XKR9: variants seen among roughly 807,000 people sequenced by gnomAD.
XKR9 encodes the protein XK related 9.
XKR9 carries 32 observed loss-of-function variants against 32.0 expected under a neutral mutation model. That is an observed-to-expected ratio of 1.00 (90% confidence interval 0.76 to 1.34). The LOEUF is 1.34. Among genes scored for constraint, XKR9 ranks in the 40% most tolerant of loss-of-function variants. The pLI is 0.00. For synonymous variants in XKR9, 168 were observed against 143.4 expected, an observed-to-expected ratio of 1.17 and a Z score of -1.22; for missense variants, 546 against 429.7, an observed-to-expected ratio of 1.27 and a Z score of -2.39.
the XKR9 span, among the ~76,000 whole-genome samples, chr8:70,801,519 T>A: frequency 6.6e-6 from 1 of 152,232 alleles, no homozygotes; most frequent in Admixed American, 6.5e-5. Context: ...TGTGCTGTGA[T>A]CTGAGAGTGT....
chr8:70,754,267 A>T (rs1043865425), intron 2 of XKR9, among the ~76,000 whole-genome samples: 2 of 147,426 alleles, frequency 1.4e-5, no homozygotes, highest in African/African-American at 4.9e-5. Flanking sequence ...ATAAAAGAGG[A>T]TACAAACAAA....
chr8:70,903,064 C>A, the XKR9 span, among the ~76,000 whole-genome samples: 1 of 152,040 alleles, frequency 6.6e-6, no homozygotes, highest in African/African-American at 2.4e-5. Flanking sequence ...AAGATTTTTG[C>A]ATTGATGTTC....
intron 2 of XKR9, among the ~76,000 whole-genome samples, chr8:70,676,328 A>G (rs566398734): frequency 1.3e-5 from 2 of 152,318 alleles, no homozygotes; most frequent in Admixed American, 1.3e-4. Flanking sequence ...ACAATTCAAC[A>G]TGAGATTTGG....
the XKR9 span, among the ~76,000 whole-genome samples, chr8:70,907,563 G>A: frequency 0.012 from 1,843 of 152,214 alleles, 42 homozygotes; most frequent in African/African-American, 0.042. Context: ...AAATATTGAT[G>A]AGCATAACAG....
the XKR9 span, among the ~76,000 whole-genome samples, chr8:70,801,341 G>A: frequency 3.3e-5 from 5 of 152,160 alleles, no homozygotes; most frequent in Admixed American, 3.3e-4. Context: ...TGCTTTAGTT[G>A]TGTTCTAGAG....
the XKR9 span, among the ~76,000 whole-genome samples, chr8:70,808,735 A>C: frequency 6.6e-6 from 1 of 152,330 alleles, no homozygotes; most frequent in South Asian, 2.1e-4. Context: ...GCAAGGTGGC[A>C]GCGAGGCTGG....
chr8:70,685,925 A>G lies in XKR9; in HGVS notation c.272+4595A>G, dbSNP rs539843990. Among the ~76,000 whole-genome samples the G allele has an allele frequency of 6.6e-5, 10 of 151,708 alleles. No individual in the cohort carries two copies. The East Asian group carries it at 1.9e-3, about 29-fold the overall frequency. ...ATTATATTTAAATAATTTAAATAAA[A>G]TTAAATCAATTAAAAATAAGAAAAA... On this transcript the variant is annotated intron_variant, in intron 3 of 4. Coordinates refer to ENST00000408926, the MANE Select transcript of XKR9 (RefSeq NM_001011720.2).
At chr8:70,764,403 T>C (rs905324632) in intron 2 of XKR9, among the ~76,000 whole-genome samples, 1 of 152,114 alleles carries the variant, frequency 6.6e-6, no homozygotes. Flanking sequence ...GGTCAGAAAA[T>C]GTACTTGTTC....
intron 4 of XKR9, among the ~76,000 whole-genome samples, chr8:70,708,156 T>C (rs1249581879): frequency 6.6e-6 from 1 of 152,052 alleles, no homozygotes; most frequent in Non-Finnish European, 1.5e-5. Context: ...ATCTCTATTG[T>C]GTATGAGATC....
the XKR9 span, among the ~76,000 whole-genome samples, chr8:70,951,761 A>G: frequency 6.6e-6 from 1 of 152,340 alleles, no homozygotes; most frequent in East Asian, 1.9e-4. Flanking sequence ...TTGGCAGGTT[A>G]AATGGACCTA....
the XKR9 span, among the ~76,000 whole-genome samples, chr8:70,841,496 A>G: frequency 3.9e-5 from 6 of 152,050 alleles, no homozygotes; most frequent in African/African-American, 1.4e-4. Context: ...TTATCTATTG[A>G]CCCCATTCAA....
At chr8:70,994,467 G>A in the XKR9 span, among the ~76,000 whole-genome samples, 1 of 151,984 alleles carries the variant, frequency 6.6e-6, no homozygotes, top group East Asian at 1.9e-4. Context: ...ATGACAAAAT[G>A]TCTTCTGTAA....
chr8:71,058,143 T>C, the XKR9 span, among the ~76,000 whole-genome samples: 43 of 151,760 alleles, frequency 2.8e-4, no homozygotes, highest in Non-Finnish European at 5.4e-4. Flanking sequence ...ATCGCGCCAC[T>C]GCACTCCAGC....
Position 70,681,296 on chromosome 8 carries a change from C to T in XKR9, c.238C>T (p.Leu80=). ...AGQESQHCFL[L]LHCLQGGVFT... is the part of the protein sequence containing the mutation. ...CCAAGAAAGTCAGCATTGTTTTCTT[C>T]TACTTCATTGCTTGCAAGGAGGAGT... The change falls in exon 3 of 5, where the codon CTA becomes TTA. Residue 80 remains leucine (L), a synonymous_variant. Transcript: ENST00000408926. The T allele has an allele frequency of 6.2e-7, 1 of 1,613,018 alleles. No individual in the cohort carries two copies. The highest frequency in any genetic ancestry group is 8.5e-7 in the Non-Finnish European group (1 of 1,179,418).
chr8:70,915,956 AG>A, the XKR9 span, among the ~76,000 whole-genome samples: 5 of 152,330 alleles, frequency 3.3e-5, no homozygotes, highest in South Asian at 1.0e-3. Context: ...ATTCTTTCAG[AG>A]GGCAGCTCTG....
intron 2 of XKR9, among the ~76,000 whole-genome samples, chr8:70,741,142 G>T (rs1806967093): frequency 6.6e-6 from 1 of 152,248 alleles, no homozygotes; most frequent in Non-Finnish European, 1.5e-5. Flanking sequence ...CATCTGGGCT[G>T]CTTTGTTTAC....
At chr8:70,905,010 GC>G in the XKR9 span, among the ~76,000 whole-genome samples, 1 of 152,168 alleles carries the variant, frequency 6.6e-6, no homozygotes, top group East Asian at 1.9e-4. Context: ...TGATGGGCTT[GC>G]CTTTGTGGGT....
At chr8:71,014,114 A>C in the XKR9 span, among the ~76,000 whole-genome samples, 4 of 152,136 alleles carry the variant, frequency 2.6e-5, no homozygotes, top group Non-Finnish European at 5.9e-5. Flanking sequence ...GCACAATCTG[A>C]GTCAAGCTTC....
At chr8:70,769,278 G>A (rs2130228353) in intron 2 of XKR9, among the ~76,000 whole-genome samples, 1 of 149,684 alleles carries the variant, frequency 6.7e-6, no homozygotes, top group South Asian at 2.1e-4. Flanking sequence ...ACTGTCTTCT[G>A]GCTTGTAGGG....
Sources: allele counts gnomAD v4.1 joint callset (sites outside exome capture counted in the v4.1 genomes callset), GRCh38; gene constraint gnomAD v4.1.1; transcripts MANE v1.5; gene names NCBI Gene and HGNC (gene_info 2026-07-23, HGNC 2026-07-21).